CDH12: variants seen among roughly 807,000 people sequenced by gnomAD.
The protein encoded by CDH12 is cadherin 12, also known as cadherin-12.
CDH12 carries 41 observed loss-of-function variants against 74.1 expected under a neutral mutation model. The observed-to-expected ratio is 0.55, with a 90% CI of 0.43 to 0.72. The LOEUF is 0.72. Ranked by LOEUF, CDH12 falls within the 30% of genes least tolerant of loss-of-function variation. The pLI is 0.00. For synonymous variants in CDH12, 399 were observed against 355.0 expected (o/e 1.12, Z -1.39); for missense variants, 945 against 977.2 (o/e 0.97, Z 0.44).
intron 3 of CDH12, among the ~76,000 whole-genome samples, chr5:22,279,548 C>T (rs1433586373): frequency 6.6e-6 from 1 of 151,958 alleles, no homozygotes; most frequent in East Asian, 1.9e-4. Context: ...CACAACAGGT[C>T]CTGGTGTGTG....
chr5:21,831,225 G>C (rs912687685), intron 8 of CDH12, among the ~76,000 whole-genome samples: 1 of 152,078 alleles, frequency 6.6e-6, no homozygotes, highest in African/African-American at 2.4e-5. Context: ...GTTGGGAGCA[G>C]TAATCTATAT....
chr5:22,596,328 C>A (rs1024613925), intron 1 of CDH12, among the ~76,000 whole-genome samples: 1 of 151,808 alleles, frequency 6.6e-6, no homozygotes, highest in African/African-American at 2.4e-5. Context: ...ATAATCCCAG[C>A]TACTCTGGAG....
intron 1 of CDH12, among the ~76,000 whole-genome samples, chr5:22,848,393 C>T (rs115893680): frequency 0.011 from 1,682 of 152,204 alleles, 35 homozygotes; most frequent in African/African-American, 0.039. Context: ...AGATTAATAG[C>T]CTATTCTTTC....
rs144365149 is a variant in CDH12 at position 22,342,500 on chromosome 5, G to A, written c.-333+62757C>T. On this transcript the variant is annotated intron_variant, in intron 3 of 14. Coordinates refer to ENST00000382254, the MANE Select transcript of CDH12 (RefSeq NM_004061.5). ...AATTTATAAAATGTCTATGTCCCCT[G>A]GTATTTCCTTCCTTCCTTCCTCCCT... Among the ~76,000 whole-genome samples the A allele has an allele frequency of 4.9e-3, 737 of 151,088 alleles. 7 individuals are homozygous for A. Among genetic ancestry groups the A allele is most frequent in the African/African-American group, 0.017 (690 of 41,092 alleles).
chr5:21,782,271 G>T (rs1192874604), intron 11 of CDH12, among the ~76,000 whole-genome samples: 1 of 152,172 alleles, frequency 6.6e-6, no homozygotes, highest in Non-Finnish European at 1.5e-5. Context: ...GTTCCAACGA[G>T]CAAGGCAGAA....
intron 10 of CDH12, among the ~76,000 whole-genome samples, chr5:21,785,180 A>G (rs1296930706): frequency 6.6e-6 from 1 of 152,182 alleles, no homozygotes; most frequent in Non-Finnish European, 1.5e-5. Flanking sequence ...TTTGAGGCAA[A>G]TGAACTGCAC....
chr5:22,557,586 G>A (rs968247584), intron 1 of CDH12, among the ~76,000 whole-genome samples: 1 of 152,062 alleles, frequency 6.6e-6, no homozygotes, highest in Non-Finnish European at 1.5e-5. Context: ...AGTTTCAAGT[G>A]GGGTAATTCC....
chr5:22,795,943 T>C lies in CDH12; in HGVS notation c.-523+57115A>G, dbSNP rs148697903. 3.7e-3 allele frequency among the ~76,000 whole-genome samples: 569 copies of C among 152,228 alleles called. 6 individuals carry two copies. Among genetic ancestry groups the C allele is most frequent in the African/African-American group, 0.013 (529 of 41,556 alleles). On this transcript the variant is annotated intron_variant, in intron 1 of 14. Coordinates refer to ENST00000382254, the MANE Select transcript of CDH12 (RefSeq NM_004061.5). ...AATGGATAAGGATAACATATAAGTG[T>C]TAAGTTAGAGCCTTCTGTGCTTAGC...
chr5:22,432,378 C>T (rs557593864), intron 2 of CDH12, among the ~76,000 whole-genome samples: 3 of 152,182 alleles, frequency 2.0e-5, no homozygotes, highest in Non-Finnish European at 2.9e-5. Flanking sequence ...TCTCTCAGAA[C>T]GTATCTCTGT....
intron 5 of CDH12, among the ~76,000 whole-genome samples, chr5:22,023,581 A>G (rs73742039): frequency 6.7e-6 from 1 of 149,368 alleles, no homozygotes; most frequent in African/African-American, 2.5e-5. Context: ...CTCTCTCTCT[A>G]TATATATATA....
chr5:22,275,536 G>A (rs909124916), intron 3 of CDH12, among the ~76,000 whole-genome samples: 8 of 152,192 alleles, frequency 5.3e-5, no homozygotes, highest in Non-Finnish European at 1.0e-4. Flanking sequence ...TTAGTTTTGA[G>A]TCATGGTAGT....
At chr5:22,676,511 C>G (rs1156979891) in intron 1 of CDH12, among the ~76,000 whole-genome samples, 1 of 152,164 alleles carries the variant, frequency 6.6e-6, no homozygotes, top group Non-Finnish European at 1.5e-5. Context: ...ACAGAGCGTG[C>G]TTACTCAATA....
intron 5 of CDH12, among the ~76,000 whole-genome samples, chr5:22,045,602 CA>C (rs34753862): frequency 0.035 from 3,894 of 112,808 alleles, 116 homozygotes; most frequent in African/African-American, 0.086. Context: ...ACTATTCAGC[CA>C]AAAAAAAAAA....
At chr5:22,279,609 G>A (rs1031383040) in intron 3 of CDH12, among the ~76,000 whole-genome samples, 15 of 151,816 alleles carry the variant, frequency 9.9e-5, no homozygotes, top group Non-Finnish European at 1.9e-4. Flanking sequence ...TCCCACCTAC[G>A]AGTGAGAACA....
intron 5 of CDH12, among the ~76,000 whole-genome samples, chr5:22,046,525 G>A (rs1273610152): frequency 2.0e-5 from 3 of 146,900 alleles, no homozygotes; most frequent in African/African-American, 2.6e-5. Flanking sequence ...TCTGCCTCCC[G>A]GGTTCACGCC....
At chr5:22,183,545 A>G (rs1428189733) in intron 4 of CDH12, among the ~76,000 whole-genome samples, 3 of 152,346 alleles carry the variant, frequency 2.0e-5, no homozygotes, top group Admixed American at 6.5e-5. Context: ...CAGATAAGAA[A>G]GCACGTGGAA....
At position 21,842,171 on chromosome 5, in the gene CDH12, T is replaced by C; in HGVS notation, c.804A>G (p.Arg268=). 6.2e-7 allele frequency: 1 copy of C among 1,608,234 alleles called. No individual in the cohort carries two copies. The highest frequency in any genetic ancestry group is 8.5e-7 in the Non-Finnish European group (1 of 1,177,946). ...GGAAAGGTGACATACTTTTGGGGAATCGAGGTGGATTGTCATTGACATCGG... is the reference window on the plus strand; with the variant it reads ...GGAAAGGTGACATACTTTTGGGGAACCGAGGTGGATTGTCATTGACATCGG... ...TLTDVNDNPP[R]FPKSIFHLKV... is the part of the protein sequence containing the mutation. Residue 268 remains arginine, a synonymous_variant, in exon 8 of 15, where the codon CGA becomes CGG. Transcript: ENST00000382254.
chr5:22,844,124 G>A (rs1737199280), intron 1 of CDH12, among the ~76,000 whole-genome samples: 1 of 152,040 alleles, frequency 6.6e-6, no homozygotes, highest in African/African-American at 2.4e-5. Flanking sequence ...CAGATGAACT[G>A]TGAATAAGCA....
intron 1 of CDH12, among the ~76,000 whole-genome samples, chr5:22,768,740 A>C (rs1421399081): frequency 6.6e-6 from 1 of 152,086 alleles, no homozygotes; most frequent in Admixed American, 6.6e-5. Context: ...GTCATCAAAA[A>C]CCACTTATAT....
Sources: gnomAD v4.1 joint callset for allele counts (sites outside exome capture counted in the v4.1 genomes callset) on GRCh38, gnomAD v4.1.1 for gene constraint, MANE v1.5 for transcripts, NCBI Gene and HGNC (gene_info 2026-07-23, HGNC 2026-07-21) for gene names.